Variants in LAMA1 observed in about 807,000 individuals in gnomAD.
LAMA1 encodes the protein laminin subunit alpha 1.
In LAMA1, 219 loss-of-function variants were observed where a neutral mutation model predicts 348.7. The ratio of observed to expected loss-of-function variants is 0.63; its 90% confidence interval spans 0.56 to 0.70. The LOEUF (loss-of-function observed/expected upper bound fraction) is 0.70, where lower values mean the gene tolerates loss of function less well. LAMA1 is among the 30% of genes least tolerant of loss of function. The pLI, the probability that LAMA1 is intolerant of heterozygous loss-of-function variation, is 0.00. For missense variants in LAMA1, 3,744 were observed against 3,888.0 expected (o/e 0.96, Z 0.99); for synonymous variants, 1,487 against 1,491.0 (o/e 1.00, Z 0.06).
At chr18:7,091,068 T>G (rs949337626) in intron 1 of LAMA1, among the ~76,000 whole-genome samples, 10 of 152,246 alleles carry the variant, frequency 6.6e-5, no homozygotes, top group African/African-American at 9.6e-5. Context: ...TCACAATGGT[T>G]CATTTAAATG....
chr18:7,045,956 T>A (rs2058040444), intron 6 of LAMA1, among the ~76,000 whole-genome samples: 1 of 151,590 alleles, frequency 6.6e-6, no homozygotes, highest in South Asian at 2.1e-4. Context: ...AATTGCACTT[T>A]TTTTTTTTTT....
chr18:6,945,603 TAG>T lies in LAMA1; in HGVS notation c.8844+1558_8844+1559del. Reference sequence around the variant, plus strand: ...GAAATGCTGGTAAAATGTAGTTAGGTAGAGAGAGGACCAGAGAGACACCATCC... The same window carrying T: ...GAAATGCTGGTAAAATGTAGTTAGGTAGAGAGGACCAGAGAGACACCATCC... On this transcript the variant is annotated intron_variant, in intron 61 of 62. Coordinates refer to ENST00000389658, the MANE Select transcript of LAMA1 (RefSeq NM_005559.4). 1.3e-5 allele frequency among the ~76,000 whole-genome samples: 2 copies of T among 152,124 alleles called. 1 individual carries two copies. Among genetic ancestry groups the T allele is most frequent in the South Asian group, 4.2e-4 (2 of 4,796 alleles).
At chr18:7,113,797 C>T (rs1210145610) in intron 1 of LAMA1, among the ~76,000 whole-genome samples, 1 of 152,040 alleles carries the variant, frequency 6.6e-6, no homozygotes, top group Non-Finnish European at 1.5e-5. Flanking sequence ...GGGAAAGAGG[C>T]CGGGGGCAGT....
At chr18:7,100,448 C>T (rs796784428) in intron 1 of LAMA1, among the ~76,000 whole-genome samples, 26 of 152,208 alleles carry the variant, frequency 1.7e-4, no homozygotes, top group Admixed American at 1.1e-3. Context: ...ACTTACCACA[C>T]GATCCATATT....
At chr18:7,090,807 T>C (rs574528426) in intron 1 of LAMA1, among the ~76,000 whole-genome samples, 14 of 152,148 alleles carry the variant, frequency 9.2e-5, no homozygotes, top group Non-Finnish European at 1.9e-4. Context: ...AGTCTGGCAT[T>C]TAACAAGTTG....
Position 7,068,373 on chromosome 18 carries a change from T to C in LAMA1, c.345+11602A>G, listed in dbSNP as rs569601056. 2.0e-5 allele frequency among the ~76,000 whole-genome samples: 3 copies of C among 152,322 alleles called. No homozygotes were observed. The East Asian group carries it at 5.8e-4, about 29-fold the overall frequency. On this transcript the variant is annotated intron_variant, in intron 3 of 62. Transcript: ENST00000389658. ...AGGAACCGCCCATGTGTTGTCCACT[T>C]TCTTTGCACTAAGGGCTTAATGTGA...
Position 7,038,800 on chromosome 18 carries a change from C to A in LAMA1, c.1563+10G>T. The A allele has an allele frequency of 1.9e-6, 3 of 1,613,902 alleles. No individual in the cohort carries two copies. The South Asian group carries it at 3.3e-5, about 18-fold the overall frequency. Reference sequence around the variant, plus strand: ...TCATTAAATCCCGCCGCGCAGATGGCGCCTCCCACCTGACCAACAGGCCAA... The same window carrying A: ...TCATTAAATCCCGCCGCGCAGATGGAGCCTCCCACCTGACCAACAGGCCAA... On this transcript the variant is annotated intron_variant, in intron 11 of 62. Transcript: ENST00000389658.
In LAMA1 at chr18:7,011,490, A is replaced by T. The variant is rs1183237240; in HGVS notation, c.3508-11T>A. ...GGAGCCCAGCGTTACCTAAACCACG[A>T]AAGGAGGGGAAAGTGCACTTCAAAA... is the stretch of plus-strand genomic sequence containing the variant. On this transcript the variant is annotated splice_polypyrimidine_tract_variant and intron_variant, in intron 24 of 62. Transcript: ENST00000389658. The T allele has an allele frequency of 1.9e-6, 3 of 1,593,066 alleles. No homozygotes were observed. The highest frequency in any genetic ancestry group is 1.7e-4 in the Middle Eastern group (1 of 6,034).
chr18:7,088,972 T>A (rs2058228712), intron 1 of LAMA1, among the ~76,000 whole-genome samples: 1 of 152,026 alleles, frequency 6.6e-6, no homozygotes, highest in Non-Finnish European at 1.5e-5. Flanking sequence ...GCCACCGCAC[T>A]CCAGCCTGGG....
intron 3 of LAMA1, among the ~76,000 whole-genome samples, chr18:7,070,504 TATA>T (rs1413618842): frequency 6.6e-6 from 1 of 152,194 alleles, no homozygotes; most frequent in Non-Finnish European, 1.5e-5. Context: ...ATTTGAATGA[TATA>T]ATAATAAACC....
chr18:6,976,641 C>G (rs656324), intron 44 of LAMA1, among the ~76,000 whole-genome samples: 33,035 of 151,490 alleles, frequency 0.22, 4,770 homozygotes, highest in African/African-American at 0.41. Context: ...GGGTCTTGCT[C>G]TGTTGCCCAG....
intron 19 of LAMA1, among the ~76,000 whole-genome samples, chr18:7,021,989 A>C (rs1474959474): frequency 1.3e-5 from 2 of 151,712 alleles, no homozygotes; most frequent in East Asian, 3.9e-4. Context: ...ATACACATAT[A>C]ATTATGTCTA....
chr18:7,023,517 C>T (rs1467467612), intron 18 of LAMA1, 142 bp from the exon 19 acceptor site: 14 of 746,064 alleles, frequency 1.9e-5, no homozygotes, highest in Non-Finnish European at 2.6e-5. Context: ...TGACTCCCCA[C>T]TCGGGCATTC....
rs570284670 is a variant in LAMA1, at chr18:7,034,590, T to C, written c.1940A>G (p.Asp647Gly). The change falls in exon 14 of 63, where the codon GAT becomes GGT. Residue 647 changes from aspartate (D) to glycine (G), a missense_variant. Transcript: ENST00000389658. Reference protein sequence around the residue: ...VVRLVPENFQDFHSKRQIDRD... With the variant: ...VVRLVPENFQGFHSKRQIDRD... The stretch of plus-strand genomic sequence containing the variant: ...ATCAATCTGCCTTTTGCTGTGAAAA[T>C]CTTGGAAGTTTTCAGGCACAAGTCT... 8 of 1,614,152 alleles carry C rather than the reference T, an allele frequency of 5.0e-6. No homozygotes were observed. The East Asian group carries it at 1.6e-4, about 31-fold the overall frequency.
At chr18:6,997,055 CTCTTTTTCTTTT>C (rs201444028) in intron 33 of LAMA1, among the ~76,000 whole-genome samples, 1 of 141,504 alleles carries the variant, frequency 7.1e-6, no homozygotes, top group South Asian at 2.1e-4. Flanking sequence ...TGCTTTTCTT[CTCTTTTTCTTTT>C]TCTTTTTCTT....
In LAMA1 at chr18:6,948,507, T is replaced by C. The variant is rs2057532219; in HGVS notation, c.8606A>G (p.Lys2869Arg). The C allele has an allele frequency of 1.9e-6, 3 of 1,614,200 alleles. No homozygotes were observed. The highest frequency in any genetic ancestry group is 2.5e-6 in the Non-Finnish European group (3 of 1,180,040). Residue 2869 changes from lysine to arginine, a missense_variant, in exon 60 of 63, where the codon AAA becomes AGA. Transcript: ENST00000389658. The stretch of plus-strand genomic sequence containing the variant: ...CACCGGGCTGTCCTTGTCCAGCTGT[T>C]TGCTGTTAACCGTCACATCCCCAAT... ...ACIGDVTVNS[K>R]QLDKDSPVSA...
At chr18:6,947,402 T>C in intron 60 of LAMA1, 106 bp from the exon 61 acceptor site, 1 of 1,375,430 alleles carries the variant, frequency 7.3e-7, no homozygotes, top group Non-Finnish European at 1.0e-6. Flanking sequence ...AGCTCCTCCT[T>C]TGGATCCAGC....
rs1315176452 is a variant in LAMA1 at position 7,017,263 on chromosome 18, T to A, written c.2808+15A>T. 5 of 1,594,624 alleles carry A rather than the reference T, an allele frequency of 3.1e-6. No individual in the cohort carries two copies. In the Admixed American group the frequency reaches 8.4e-5, roughly 27 times the overall value. Reference sequence around the variant, plus strand: ...GTACCAAGGCTAAGGTGTCAATTAGTCACATGCATCTTACCAAGCACTGGT... The same window carrying A: ...GTACCAAGGCTAAGGTGTCAATTAGACACATGCATCTTACCAAGCACTGGT... On this transcript the variant is annotated intron_variant, in intron 20 of 62. Transcript: ENST00000389658.
At chr18:7,035,957 C>T in intron 13 of LAMA1, 30 bp downstream of exon 13, 3 of 1,556,702 alleles carry the variant, frequency 1.9e-6, no homozygotes, top group Non-Finnish European at 2.7e-6. Context: ...GCCCTAAGCT[C>T]TATAGCAGAA....
Sources: gnomAD v4.1 joint callset for allele counts (sites outside exome capture counted in the v4.1 genomes callset) on GRCh38, gnomAD v4.1.1 for gene constraint, MANE v1.5 for transcripts, NCBI Gene and HGNC (gene_info 2026-07-23, HGNC 2026-07-21) for gene names.